The following TIMP3 variants were observed in gnomAD, a reference collection of about 807,000 sequenced individuals.
TIMP3 encodes the protein metalloproteinase inhibitor 3.
TIMP3 carries 11 observed loss-of-function variants against 30.0 expected under a neutral mutation model. The ratio of observed to expected loss-of-function variants is 0.37; its 90% CI spans 0.23 to 0.61. The LOEUF (loss-of-function observed/expected upper bound fraction) is 0.61, where lower values mean the gene tolerates loss of function less well. TIMP3 is among the 20% of genes least tolerant of loss of function. The probability of loss-of-function intolerance (pLI) is 0.70; values close to 1 mark genes in which losing one functional copy is unlikely to be tolerated. For synonymous variants in TIMP3, 112 were observed against 111.3 expected (o/e 1.01, Z -0.04); for missense variants, 181 against 276.8 (o/e 0.65, Z 2.45).
chr22:32,858,172 G>A, intron 4 of TIMP3, 34 bp downstream of exon 4: 1 of 1,610,580 alleles, frequency 6.2e-7, no homozygotes, highest in South Asian at 1.1e-5. Flanking sequence ...AAGGAGGGGA[G>A]GTGCTGACTT....
At chr22:32,845,542 C>T (rs879303211) in intron 1 of TIMP3, among the ~76,000 whole-genome samples, 8 of 152,126 alleles carry the variant, frequency 5.3e-5, no homozygotes, top group Non-Finnish European at 1.0e-4. Context: ...TCAGTGGAAG[C>T]GGGAAATAGG....
At chr22:32,844,107 TG>T (rs2047992022) in intron 1 of TIMP3, among the ~76,000 whole-genome samples, 1 of 152,126 alleles carries the variant, frequency 6.6e-6, no homozygotes, top group Non-Finnish European at 1.5e-5. Flanking sequence ...ACCAGCCAAA[TG>T]GGTAGCATTG....
chr22:32,852,398 G>A (rs563274044), intron 2 of TIMP3, among the ~76,000 whole-genome samples: 2 of 152,280 alleles, frequency 1.3e-5, no homozygotes, highest in South Asian at 4.2e-4. Context: ...GCAGTGTAGG[G>A]CTGGACTTGT....
chr22:32,858,013 G>T lies in TIMP3; in HGVS notation c.317-4G>T. 7.4e-6 allele frequency: 12 copies of T among 1,614,148 alleles called. No individual in the cohort carries two copies. The highest frequency in any genetic ancestry group is 1.0e-5 in the Non-Finnish European group (12 of 1,180,018). ...TCTCCTTGTTTTCTTCTTTCCTCCT[G>T]TAGGTCGCGTCTATGATGGCAAGAT... On this transcript the variant is annotated splice_region_variant and splice_polypyrimidine_tract_variant and intron_variant, in intron 3 of 4. Coordinates refer to ENST00000266085, the MANE Select transcript of TIMP3 (RefSeq NM_000362.5).
chr22:32,852,731 T>C (rs1193897675), intron 2 of TIMP3, among the ~76,000 whole-genome samples: 1 of 144,098 alleles, frequency 6.9e-6, no homozygotes, highest in African/African-American at 2.6e-5. Flanking sequence ...CACAGAGACC[T>C]GCGATATGTG....
At chr22:32,806,917 T>C (rs2046756711) in intron 1 of TIMP3, among the ~76,000 whole-genome samples, 1 of 152,124 alleles carries the variant, frequency 6.6e-6, no homozygotes, top group Admixed American at 6.6e-5. Flanking sequence ...CCATAGCAAA[T>C]TTATAGTAGT....
chr22:32,859,136 A>G (rs1427533294), intron 4 of TIMP3, 44 bp from the exon 5 acceptor site: 2 of 1,605,206 alleles, frequency 1.2e-6, no homozygotes, highest in East Asian at 2.2e-5. Flanking sequence ...GCCTGGGCAT[A>G]CCATGGCAGA....
chr22:32,819,330 T>C (rs772793315), intron 1 of TIMP3, among the ~76,000 whole-genome samples: 1 of 152,226 alleles, frequency 6.6e-6, no homozygotes, highest in Non-Finnish European at 1.5e-5. Context: ...GAGGACACGA[T>C]GCCTTGCTGG....
intron 1 of TIMP3, among the ~76,000 whole-genome samples, chr22:32,807,950 T>C (rs1489708587): frequency 6.6e-6 from 1 of 152,184 alleles, no homozygotes; most frequent in Non-Finnish European, 1.5e-5. Flanking sequence ...AAACAATTTA[T>C]AATTTTTATT....
At chr22:32,820,259 T>TGTGC (rs1555971880) in intron 1 of TIMP3, among the ~76,000 whole-genome samples, 7 of 149,040 alleles carry the variant, frequency 4.7e-5, no homozygotes, top group Non-Finnish European at 7.5e-5. Context: ...TGTGTGTGTG[T>TGTGC]GTGCGTGCGC....
At position 32,801,913 on chromosome 22, in the gene TIMP3, G is replaced by C. The variant is rs1335493536; in HGVS notation, c.-89G>C. The C allele has an allele frequency of 6.3e-6, 9 of 1,425,666 alleles. No homozygotes were observed. Among genetic ancestry groups the C allele is most frequent in the Non-Finnish European group, 8.2e-6 (9 of 1,096,878 alleles). The allele number at this position is 1,425,666 out of a possible 1,614,324, so 88.3% of individuals were successfully genotyped here. A position where few individuals can be genotyped will look rare whatever the true frequency, so the allele number is the denominator to read the frequency against. On this transcript the variant is annotated 5_prime_UTR_variant, in exon 1 of 5. Transcript: ENST00000266085. The surrounding 1 kb of genome is among the most constrained non-coding windows in gnomAD (Gnocchi z 4.7). ...GCCCCGCACGGCCCGGCGGGCGAGC[G>C]AGCTCGGGCTGCAGCAGCCCCGCCG...
At chr22:32,827,792 CT>C (rs1484439282) in intron 1 of TIMP3, among the ~76,000 whole-genome samples, 30 of 152,324 alleles carry the variant, frequency 2.0e-4, no homozygotes, top group African/African-American at 5.5e-4. Flanking sequence ...ATACTTCTAG[CT>C]ATTCCTCAAA....
At chr22:32,832,300 A>G (rs1425767654) in intron 1 of TIMP3, among the ~76,000 whole-genome samples, 1 of 152,232 alleles carries the variant, frequency 6.6e-6, no homozygotes, top group Admixed American at 6.5e-5. Context: ...AACCCAGGGG[A>G]AATGCATGAG....
At chr22:32,847,365 T>A (rs1055809904) in intron 1 of TIMP3, among the ~76,000 whole-genome samples, 73 of 152,232 alleles carry the variant, frequency 4.8e-4, no homozygotes, top group African/African-American at 1.6e-3. Context: ...CAACCTCTCG[T>A]TTTTACAGCA....
intron 3 of TIMP3, 142 bp downstream of exon 3, chr22:32,857,502 T>G: frequency 1.4e-6 from 1 of 725,448 alleles, no homozygotes; most frequent in Non-Finnish European, 2.5e-6. Context: ...TCATCCCACT[T>G]ACCCAGTGCT....
At chr22:32,833,879 G>C (rs2047651839) in intron 1 of TIMP3, 1 of 499,570 alleles carries the variant, frequency 2.0e-6, no homozygotes, top group African/African-American at 2.0e-5. Flanking sequence ...ATAGCTGATG[G>C]CACCTATTGT....
intron 3 of TIMP3, 24 bp from the exon 4 acceptor site, chr22:32,857,993 T>C: frequency 6.2e-7 from 1 of 1,614,066 alleles, no homozygotes; most frequent in Middle Eastern, 1.6e-4. Context: ...CAACCTCTCC[T>C]TGTTTTCTTC....
chr22:32,854,948 C>G (rs2048324591), intron 2 of TIMP3, among the ~76,000 whole-genome samples: 1 of 152,166 alleles, frequency 6.6e-6, no homozygotes, highest in African/African-American at 2.4e-5. Flanking sequence ...AACCAGTCAC[C>G]ACTTAAAAGA....
chr22:32,849,783 A>C (rs1321429885), intron 2 of TIMP3, among the ~76,000 whole-genome samples: 5 of 152,116 alleles, frequency 3.3e-5, no homozygotes, highest in Non-Finnish European at 5.9e-5. Flanking sequence ...TAGGAAGCTG[A>C]GCTCTGGAGC....
Sources: gnomAD v4.1 joint callset for allele counts (sites outside exome capture counted in the v4.1 genomes callset) on GRCh38, gnomAD v4.1.1 for gene constraint, Gnocchi (gnomAD v3.1) non-coding constraint, MANE v1.5 for transcripts, NCBI Gene and HGNC (gene_info 2026-07-23, HGNC 2026-07-21) for gene names.